AP1AR: variants seen among roughly 807,000 people sequenced by gnomAD.
The protein encoded by AP1AR is AP-1 complex-associated regulatory protein.
In AP1AR, 29 loss-of-function variants were observed where a neutral mutation model predicts 46.3. The observed-to-expected ratio is 0.63, with a 90% CI of 0.47 to 0.85. The LOEUF (loss-of-function observed/expected upper bound fraction) is 0.85. AP1AR is among the 40% of genes least tolerant of loss of function. The pLI, the probability that AP1AR is intolerant of heterozygous loss-of-function variation, is 0.00. For missense variants in AP1AR, 357 were observed against 356.3 expected, an observed-to-expected ratio of 1.00 and a Z score of -0.02; for synonymous variants, 122 against 122.9, an observed-to-expected ratio of 0.99 and a Z score of 0.05.
chr4:112,263,041 A>C lies in AP1AR; in HGVS notation c.336A>C (p.Ala112=), dbSNP rs1435013489. Residue 112 remains alanine (A), a synonymous_variant, in exon 6 of 10, where the codon GCA becomes GCC. Coordinates refer to ENST00000274000, the MANE Select transcript of AP1AR (RefSeq NM_018569.6). ...TAGAAGAAGAAGCTTTATACGCTGC[A>C]CAGCGTGAAGCAGCCAGGGCAGCAA... The part of the protein sequence containing the change: ...LRLEEEALYA[A]QREAARAAKQ... 2.5e-6 allele frequency: 4 copies of C among 1,613,860 alleles called. No homozygotes were observed. Among genetic ancestry groups the C allele is most frequent in the Non-Finnish European group, 3.4e-6 (4 of 1,179,890 alleles).
chr4:112,269,367 G>C lies in AP1AR; in HGVS notation c.*958G>C, dbSNP rs1726853578. The C allele has an allele frequency of 1.3e-5, 2 of 152,186 alleles. No individual in the cohort carries two copies. The highest frequency in any genetic ancestry group is 1.3e-4 in the Admixed American group (2 of 15,222). 9.4% of individuals were successfully genotyped at this position (152,186 alleles called of 1,614,324 possible). A position where few individuals can be genotyped will look rare whatever the true frequency, so the allele number is the denominator to read the frequency against. Reference sequence around the variant, plus strand: ...AGCCTTCCTTTACCTTGTAGTACAAGGTGCTTTAATGGGATAGAACTAAGC... The same window carrying C: ...AGCCTTCCTTTACCTTGTAGTACAACGTGCTTTAATGGGATAGAACTAAGC... On this transcript the variant is annotated 3_prime_UTR_variant, in exon 10 of 10. Coordinates refer to ENST00000274000, the MANE Select transcript of AP1AR (RefSeq NM_018569.6).
intron 5 of AP1AR, among the ~76,000 whole-genome samples, chr4:112,261,341 A>G (rs543928458): frequency 2.6e-5 from 4 of 152,194 alleles, no homozygotes; most frequent in Non-Finnish European, 5.9e-5. Context: ...CTGAGGTGGG[A>G]GTATTGCTTG....
At chr4:112,235,160 ACTT>A (rs1198721370) in intron 1 of AP1AR, among the ~76,000 whole-genome samples, 1 of 152,204 alleles carries the variant, frequency 6.6e-6, no homozygotes, top group African/African-American at 2.4e-5. Flanking sequence ...AATGAGTCAT[ACTT>A]CTTCACTGGA....
chr4:112,245,619 C>A (rs1725697753), intron 1 of AP1AR, among the ~76,000 whole-genome samples: 1 of 152,150 alleles, frequency 6.6e-6, no homozygotes, highest in African/African-American at 2.4e-5. Context: ...CTGGACAGTG[C>A]AGATCTATCC....
chr4:112,247,850 T>G (rs1198466851), intron 1 of AP1AR, among the ~76,000 whole-genome samples: 1 of 152,228 alleles, frequency 6.6e-6, no homozygotes, highest in African/African-American at 2.4e-5. Flanking sequence ...ATAATGGAAC[T>G]GAGTACTGAT....
chr4:112,264,597 G>A (rs190353058), intron 6 of AP1AR, among the ~76,000 whole-genome samples: 5 of 152,224 alleles, frequency 3.3e-5, no homozygotes, highest in Admixed American at 6.5e-5. Flanking sequence ...AACTCAGCCA[G>A]ATCTTATAAA....
intron 1 of AP1AR, among the ~76,000 whole-genome samples, chr4:112,247,623 C>T (rs2110474991): frequency 6.6e-6 from 1 of 152,266 alleles, no homozygotes; most frequent in East Asian, 1.9e-4. Context: ...TTCTGTCAGC[C>T]CTGTCTTCAG....
chr4:112,260,942 T>C, intron 5 of AP1AR, 80 bp downstream of exon 5: 3 of 857,296 alleles, frequency 3.5e-6, no homozygotes, highest in Non-Finnish European at 5.3e-6. Flanking sequence ...GTGTAGAGTC[T>C]TTGGACCTAT....
intron 3 of AP1AR, among the ~76,000 whole-genome samples, chr4:112,255,797 A>G (rs1004749383): frequency 2.0e-5 from 3 of 152,214 alleles, no homozygotes; most frequent in Non-Finnish European, 4.4e-5. Flanking sequence ...ATATTTCAAC[A>G]TTTGATCTTA....
At chr4:112,245,527 T>A (rs760586127) in intron 1 of AP1AR, among the ~76,000 whole-genome samples, 11 of 152,224 alleles carry the variant, frequency 7.2e-5, no homozygotes, top group Non-Finnish European at 1.0e-4. Flanking sequence ...CCAATGCATG[T>A]TTGACACATA....
chr4:112,267,571 T>G (rs1726760607), intron 9 of AP1AR, among the ~76,000 whole-genome samples: 1 of 151,922 alleles, frequency 6.6e-6, no homozygotes, highest in East Asian at 1.9e-4. Flanking sequence ...CACCACTTTT[T>G]AGCTGTGTGA....
rs942190477 is a variant in AP1AR, at chr4:112,271,228, G to A, written c.*2819G>A. Among the ~76,000 whole-genome samples the A allele has an allele frequency of 6.6e-6, 1 of 152,176 alleles. No homozygotes were observed. The highest frequency in any genetic ancestry group is 2.4e-5 in the African/African-American group (1 of 41,454). On this transcript the variant is annotated 3_prime_UTR_variant, in exon 10 of 10. Coordinates refer to ENST00000274000, the MANE Select transcript of AP1AR (RefSeq NM_018569.6). ...CTCTGGATCCTCCATGGCAAGATAG[G>A]CCATCGTAAAGGAGCTGTCAAAGGG...
At chr4:112,263,438 T>G (rs1726539218) in intron 6 of AP1AR, among the ~76,000 whole-genome samples, 1 of 151,816 alleles carries the variant, frequency 6.6e-6, no homozygotes, top group Non-Finnish European at 1.5e-5. Context: ...TTAAATATAA[T>G]TGGCAAAGCA....
At chr4:112,265,105 A>G in intron 7 of AP1AR, 38 bp downstream of exon 7, 1 of 1,525,432 alleles carries the variant, frequency 6.6e-7, no homozygotes, top group Non-Finnish European at 8.9e-7. Context: ...CCTTTGTGGT[A>G]GAACATTTTA....
At chr4:112,234,658 G>GA (rs1553923983) in intron 1 of AP1AR, among the ~76,000 whole-genome samples, 1 of 141,768 alleles carries the variant, frequency 7.1e-6, no homozygotes. Flanking sequence ...TCTTATTTTA[G>GA]TTTTTTTTTT....
rs1726936264 is a variant in AP1AR, at chr4:112,271,221, A to G, written c.*2812A>G. 1.3e-5 allele frequency among the ~76,000 whole-genome samples: 2 copies of G among 152,220 alleles called. No individual in the cohort carries two copies. The highest frequency in any genetic ancestry group is 1.3e-4 in the Admixed American group (2 of 15,280). On this transcript the variant is annotated 3_prime_UTR_variant, in exon 10 of 10. Coordinates refer to ENST00000274000, the MANE Select transcript of AP1AR (RefSeq NM_018569.6). ...TGATCCTCTCTGGATCCTCCATGGC[A>G]AGATAGGCCATCGTAAAGGAGCTGT...
chr4:112,255,956 T>C (rs577090813), intron 3 of AP1AR, among the ~76,000 whole-genome samples: 10 of 152,216 alleles, frequency 6.6e-5, no homozygotes, highest in Non-Finnish European at 1.5e-4. Context: ...TAAAATTGGT[T>C]CGACTAGAAG....
At chr4:112,259,560 A>G (rs949011876) in intron 4 of AP1AR, among the ~76,000 whole-genome samples, 2 of 152,136 alleles carry the variant, frequency 1.3e-5, no homozygotes, top group East Asian at 3.8e-4. Context: ...TAATTTCAGG[A>G]CTTGGCTGAA....
In AP1AR at chr4:112,236,400, C is replaced by CT. The variant is rs35720859; in HGVS notation, c.83+4239dup. ...GATTCCCATAGCTAAATTTCTAAGT[C>CT]TTTTTTTTTTTTTCCCCCAAAAAGG... On this transcript the variant is annotated intron_variant, in intron 1 of 9. Coordinates refer to ENST00000274000, the MANE Select transcript of AP1AR (RefSeq NM_018569.6). 4.7e-3 allele frequency among the ~76,000 whole-genome samples: 677 copies of CT among 143,322 alleles called. 2 individuals carry two copies. Among genetic ancestry groups the CT allele is most frequent in the East Asian group, 8.1e-3 (39 of 4,786 alleles). The allele number at this position is 143,322 out of a possible 152,430, so 94.0% of individuals were successfully genotyped here. A position where few individuals can be genotyped will look rare whatever the true frequency, so the allele number is the denominator to read the frequency against.
Sources: allele counts gnomAD v4.1 joint callset (sites outside exome capture counted in the v4.1 genomes callset), GRCh38; gene constraint gnomAD v4.1.1; transcripts MANE v1.5; gene names NCBI Gene and HGNC (gene_info 2026-07-23, HGNC 2026-07-21).